Variants in LINGO2 observed in about 807,000 individuals in gnomAD.
LINGO2 encodes leucine rich repeat and Ig domain containing 2, also known as leucine-rich repeat and immunoglobulin-like domain-containing nogo receptor-interacting protein 2.
LINGO2 carries 14 observed loss-of-function variants against 30.6 expected under a neutral mutation model. That is an observed-to-expected ratio of 0.46 (90% CI 0.30 to 0.72). The LOEUF (loss-of-function observed/expected upper bound fraction) is 0.72. Among genes scored for constraint, LINGO2 ranks in the 30% least tolerant of loss-of-function variants. The probability of loss-of-function intolerance (pLI) is 0.07; values close to 1 mark genes in which losing one functional copy is unlikely to be tolerated. For synonymous variants in LINGO2, 317 were observed against 288.5 expected, an observed-to-expected ratio of 1.10 and a Z score of -1.00; for missense variants, 729 against 751.7, an observed-to-expected ratio of 0.97 and a Z score of 0.35.
chr9:28,471,455 T>A (rs1252787828), intron 2 of LINGO2, among the ~76,000 whole-genome samples: 13 of 152,140 alleles, frequency 8.5e-5, no homozygotes, highest in African/African-American at 2.4e-4. Context: ...AGAGTGGCAT[T>A]ATTCTCTCTC....
intron 1 of LINGO2, among the ~76,000 whole-genome samples, chr9:28,531,374 T>C (rs1289817863): frequency 2.6e-5 from 4 of 152,042 alleles, no homozygotes; most frequent in Admixed American, 2.0e-4. Context: ...TCTCCCCAAG[T>C]TTCAACACTA....
At chr9:27,984,714 T>G (rs893814994) in intron 5 of LINGO2, among the ~76,000 whole-genome samples, 1 of 151,836 alleles carries the variant, frequency 6.6e-6, no homozygotes, top group African/African-American at 2.4e-5. Flanking sequence ...TTTTATATTC[T>G]AGAAGCAGAG....
intron 1 of LINGO2, among the ~76,000 whole-genome samples, chr9:28,521,826 T>C (rs1203368239): frequency 2.0e-5 from 3 of 151,862 alleles, no homozygotes; most frequent in Non-Finnish European, 2.9e-5. Flanking sequence ...AATAAGAAAA[T>C]GGAAATTTGG....
intron 2 of LINGO2, among the ~76,000 whole-genome samples, chr9:28,456,379 C>T (rs1262146630): frequency 1.3e-5 from 2 of 152,212 alleles, no homozygotes; most frequent in Non-Finnish European, 2.9e-5. Context: ...CAAGACTTTT[C>T]TCCATTCTCT....
intron 4 of LINGO2, among the ~76,000 whole-genome samples, chr9:28,229,122 TTGAC>T (rs1366572288): frequency 6.6e-6 from 1 of 151,780 alleles, no homozygotes; most frequent in Non-Finnish European, 1.5e-5. Context: ...ATTCTTTTCT[TTGAC>T]TGAACTTCTA....
the LINGO2 span, among the ~76,000 whole-genome samples, chr9:29,085,321 A>G: frequency 6.9e-6 from 1 of 145,480 alleles, no homozygotes; most frequent in Admixed American, 6.9e-5. Context: ...AGAATAAATT[A>G]AACCATTGGA....
At chr9:28,375,097 C>G (rs1261622127) in intron 2 of LINGO2, among the ~76,000 whole-genome samples, 1 of 39,410 alleles carries the variant, frequency 2.5e-5, no homozygotes, top group Non-Finnish European at 8.0e-5. Context: ...TTAACACACA[C>G]ACACACACAC....
chr9:28,899,785 A>G, the LINGO2 span, among the ~76,000 whole-genome samples: 1,394 of 152,256 alleles, frequency 9.2e-3, 29 homozygotes, highest in African/African-American at 0.032. Context: ...ATATCCACTG[A>G]CATGGACTCC....
intron 3 of LINGO2, among the ~76,000 whole-genome samples, chr9:28,371,605 T>C (rs1393427494): frequency 6.6e-6 from 1 of 152,100 alleles, no homozygotes; most frequent in Non-Finnish European, 1.5e-5. Context: ...TTTGAGAGGA[T>C]AAAAACATTC....
intron 1 of LINGO2, among the ~76,000 whole-genome samples, chr9:28,497,962 G>A (rs1276993894): frequency 6.6e-6 from 1 of 152,220 alleles, no homozygotes; most frequent in Non-Finnish European, 1.5e-5. Flanking sequence ...AGCGGAGGCT[G>A]CAGAACAGGT....
At chr9:29,165,755 A>G in the LINGO2 span, among the ~76,000 whole-genome samples, 2 of 152,144 alleles carry the variant, frequency 1.3e-5, no homozygotes, top group Non-Finnish European at 2.9e-5. Flanking sequence ...TAAAGTTTAA[A>G]AAAACTGATC....
the LINGO2 span, among the ~76,000 whole-genome samples, chr9:29,089,824 T>C: frequency 6.6e-6 from 1 of 152,034 alleles, no homozygotes; most frequent in Non-Finnish European, 1.5e-5. Flanking sequence ...TGAATGTCAA[T>C]CATTATCTGA....
chr9:28,720,467 G>A, the LINGO2 span, among the ~76,000 whole-genome samples: 1 of 151,936 alleles, frequency 6.6e-6, no homozygotes, highest in African/African-American at 2.4e-5. Flanking sequence ...TGAATTCCTT[G>A]ATTAAAATTC....
chr9:28,610,163 T>C (rs940040870), intron 1 of LINGO2, among the ~76,000 whole-genome samples: 3 of 152,178 alleles, frequency 2.0e-5, no homozygotes, highest in Non-Finnish European at 4.4e-5. Context: ...CTGTTTTACT[T>C]TTGAAATAAA....
intron 1 of LINGO2, among the ~76,000 whole-genome samples, chr9:28,511,776 T>C (rs896492727): frequency 3.3e-5 from 5 of 152,182 alleles, no homozygotes; most frequent in Non-Finnish European, 5.9e-5. Context: ...CAGTATAGAA[T>C]GGCACACCTG....
intron 4 of LINGO2, among the ~76,000 whole-genome samples, chr9:28,085,761 T>C (rs1825894629): frequency 6.6e-6 from 1 of 152,046 alleles, no homozygotes; most frequent in African/African-American, 2.4e-5. Context: ...AGATAAAATC[T>C]TTAACATGAA....
intron 4 of LINGO2, among the ~76,000 whole-genome samples, chr9:28,057,658 C>G (rs1001479418): frequency 1.0e-5 from 1 of 99,408 alleles, no homozygotes; most frequent in African/African-American, 3.6e-5. Flanking sequence ...CAAGTAAATA[C>G]GAAACCTCTC....
At chr9:28,277,817 A>AAAAAC (rs1294388968) in intron 4 of LINGO2, among the ~76,000 whole-genome samples, 8 of 146,824 alleles carry the variant, frequency 5.4e-5, no homozygotes, top group African/African-American at 1.6e-4. Context: ...CTCCATCTCA[A>AAAAAC]AAAACAAAAC....
Position 28,211,675 on chromosome 9 carries a change from T to A in LINGO2, c.-87+83533A>T, listed in dbSNP as rs143207669. On this transcript the variant is annotated intron_variant, in intron 4 of 5. Transcript: ENST00000379992. ...CAGAAGAGACAGGCAAGGCTTGTAT[T>A]CTCAAGACAGACCATTCATATTCAT... Among the ~76,000 whole-genome samples the A allele has an allele frequency of 1.3e-3, 198 of 151,616 alleles. 3 individuals carry two copies. The South Asian group carries it at 0.033, about 26-fold the overall frequency.
Sources: gnomAD v4.1 joint callset for allele counts (sites outside exome capture counted in the v4.1 genomes callset) on GRCh38, gnomAD v4.1.1 for gene constraint, MANE v1.5 for transcripts, NCBI Gene and HGNC (gene_info 2026-07-23, HGNC 2026-07-21) for gene names.